NPAS1: variants seen among roughly 807,000 people sequenced by gnomAD.
The protein encoded by NPAS1 is neuronal PAS domain-containing protein 1.
A neutral mutation model predicts 49.2 loss-of-function variants in NPAS1; 29 were observed. That is an observed-to-expected ratio of 0.59 (90% CI 0.44 to 0.80). The LOEUF is 0.80. Ranked by LOEUF, NPAS1 falls within the 30% of genes least tolerant of loss-of-function variation. The pLI is 0.00. For synonymous variants in NPAS1, 408 were observed against 380.4 expected, an observed-to-expected ratio of 1.07 and a Z score of -0.84; for missense variants, 825 against 835.5, an observed-to-expected ratio of 0.99 and a Z score of 0.15.
intron 3 of NPAS1, among the ~76,000 whole-genome samples, chr19:47,026,234 C>T (rs1222966961): frequency 6.6e-6 from 1 of 152,180 alleles, no homozygotes; most frequent in Non-Finnish European, 1.5e-5. Context: ...CCACTGGGCC[C>T]AGCCAAGGAA....
chr19:47,040,658 G>C, intron 9 of NPAS1, 108 bp downstream of exon 9: 2 of 725,976 alleles, frequency 2.8e-6, no homozygotes, highest in Non-Finnish European at 4.8e-6. Context: ...AGTCCCTCCT[G>C]CTGCACCTAC....
Position 47,021,207 on chromosome 19 carries a change from C to G in NPAS1, c.122+38C>G, listed in dbSNP as rs754282084. Reference sequence around the variant, plus strand: ...CCGCCCCCCTGGCCGCGGGCCCCCCCCCGGGTCCAATTCACACCCGATGTT... The same window carrying G: ...CCGCCCCCCTGGCCGCGGGCCCCCCGCCGGGTCCAATTCACACCCGATGTT... On this transcript the variant is annotated intron_variant, in intron 2 of 11. Transcript: ENST00000602212. The surrounding 1 kb of genome is among the most constrained non-coding windows in gnomAD (Gnocchi z 5.7). The G allele has an allele frequency of 6.7e-7, 1 of 1,484,458 alleles. No homozygotes were observed. Among genetic ancestry groups the G allele is most frequent in the Non-Finnish European group, 9.0e-7 (1 of 1,113,316 alleles). 92.0% of individuals were successfully genotyped at this position (1,484,458 alleles called of 1,614,324 possible).
chr19:47,038,960 TGGCTCTGCAA>T, intron 6 of NPAS1, 66 bp from the exon 7 acceptor site: 1 of 1,250,018 alleles, frequency 8.0e-7, no homozygotes, highest in Admixed American at 1.7e-5. Context: ...TATGTCCGGC[TGGCTCTGCAA>T]GGGTCAGGGT....
intron 3 of NPAS1, among the ~76,000 whole-genome samples, chr19:47,029,109 C>G (rs1021905262): frequency 6.6e-6 from 1 of 151,528 alleles, no homozygotes; most frequent in Non-Finnish European, 1.5e-5. Flanking sequence ...GAGATGGAGT[C>G]TTGCTCTTGC....
In NPAS1 at chr19:47,045,340, G is replaced by T; in HGVS notation, c.1462G>T (p.Ala488Ser). ...CGACGAGGATCCCTCCAGCCACCCGGCCACACCGAGGCCCGAGTTCACCTC... is the reference window on the plus strand; with the variant it reads ...CGACGAGGATCCCTCCAGCCACCCGTCCACACCGAGGCCCGAGTTCACCTC... Reference protein sequence around the residue: ...SGDEDPSSHPATPRPEFTSVI... With the variant: ...SGDEDPSSHPSTPRPEFTSVI... The change falls in exon 12 of 12, where the codon GCC becomes TCC. Residue 488 changes from alanine to serine, a missense_variant. By Grantham distance (99) the Ala-to-Ser change is moderately conservative. Transcript: ENST00000602212. The T allele has an allele frequency of 6.2e-7, 1 of 1,613,858 alleles. No individual in the cohort carries two copies. The highest frequency in any genetic ancestry group is 8.5e-7 in the Non-Finnish European group (1 of 1,179,998).
intron 3 of NPAS1, among the ~76,000 whole-genome samples, chr19:47,030,636 C>CTTTTTT (rs55931402): frequency 1.8e-4 from 17 of 96,796 alleles, no homozygotes; most frequent in East Asian, 3.2e-4. Context: ...GGCCCTTTGC[C>CTTTTTT]TTTTTTTTTT....
intron 6 of NPAS1, 89 bp downstream of exon 6, chr19:47,036,218 A>G (rs2056954217): frequency 7.5e-7 from 1 of 1,328,686 alleles, no homozygotes; most frequent in Non-Finnish European, 1.0e-6. Context: ...CGTTTATACA[A>G]ATAGCAGTGA....
chr19:47,026,003 G>C (rs1407349872), intron 3 of NPAS1, among the ~76,000 whole-genome samples: 4 of 151,858 alleles, frequency 2.6e-5, no homozygotes, highest in African/African-American at 9.7e-5. Context: ...GCAGTGGTGC[G>C]ATCTCAGCTC....
At position 47,035,947 on chromosome 19, in the gene NPAS1, C is replaced by T; in HGVS notation, c.523-17C>T. On this transcript the variant is annotated splice_polypyrimidine_tract_variant and intron_variant, in intron 5 of 11. Transcript: ENST00000602212. ...CGCACCTCACCCGCCCCCTGCATTC[C>T]CCTCCTTCGCCGGCAGGTGGAGATG... 1 of 1,509,642 alleles carries T rather than the reference C, an allele frequency of 6.6e-7. No individual in the cohort carries two copies. Among genetic ancestry groups the T allele is most frequent in the Non-Finnish European group, 8.8e-7 (1 of 1,130,586 alleles). 93.5% of individuals were successfully genotyped at this position (1,509,642 alleles called of 1,614,324 possible).
intron 6 of NPAS1, among the ~76,000 whole-genome samples, chr19:47,038,069 C>T (rs1271118386): frequency 2.0e-5 from 3 of 152,152 alleles, no homozygotes; most frequent in Non-Finnish European, 4.4e-5. Context: ...GGATGGCTGA[C>T]CCAGCCTGAG....
chr19:47,022,978 C>G (rs1354903877), intron 3 of NPAS1, among the ~76,000 whole-genome samples: 1 of 152,206 alleles, frequency 6.6e-6, no homozygotes, highest in African/African-American at 2.4e-5. Context: ...CCAGGCTACC[C>G]CTGTCCCCAC....
chr19:47,034,507 T>G (rs1451861785), intron 5 of NPAS1, among the ~76,000 whole-genome samples: 1 of 152,064 alleles, frequency 6.6e-6, no homozygotes, highest in Non-Finnish European at 1.5e-5. Context: ...TGAGTACCTT[T>G]TCAGTGAGAT....
At chr19:47,023,364 G>A (rs1436769840) in intron 3 of NPAS1, among the ~76,000 whole-genome samples, 3 of 152,298 alleles carry the variant, frequency 2.0e-5, no homozygotes, top group East Asian at 3.9e-4. Flanking sequence ...GGCTGGCTGA[G>A]GTCACAGCAC....
chr19:47,027,466 G>T (rs150643629), intron 3 of NPAS1, among the ~76,000 whole-genome samples: 40,702 of 73,970 alleles, frequency 0.55, 13,486 homozygotes, highest in Non-Finnish European at 0.64. Flanking sequence ...CTGGTCTCCC[G>T]TCTCTCTGCC....
At chr19:47,040,804 T>G in intron 9 of NPAS1, 174 bp from the exon 10 acceptor site, 2 of 645,164 alleles carry the variant, frequency 3.1e-6, no homozygotes, top group South Asian at 4.1e-5. Flanking sequence ...CTGGGCTACC[T>G]CTCAGTCTCT....
chr19:47,032,120 G>T (rs1340723331), intron 3 of NPAS1, among the ~76,000 whole-genome samples, 158 bp from the exon 4 acceptor site: 1 of 152,104 alleles, frequency 6.6e-6, no homozygotes, highest in African/African-American at 2.4e-5. Context: ...CCACCTGTGT[G>T]TCCCACGCCC....
At chr19:47,044,470 G>C (rs754230746) in intron 11 of NPAS1, among the ~76,000 whole-genome samples, 15 of 152,340 alleles carry the variant, frequency 9.8e-5, no homozygotes, top group Admixed American at 2.0e-4. Flanking sequence ...TGGCTGCTTC[G>C]TGGGACAGTG....
At chr19:47,023,005 G>T (rs554899039) in intron 3 of NPAS1, among the ~76,000 whole-genome samples, 2 of 152,346 alleles carry the variant, frequency 1.3e-5, no homozygotes, top group Non-Finnish European at 2.9e-5. Context: ...AGGAGAAGAG[G>T]GTGTCCTTAG....
chr19:47,039,358 C>T lies in NPAS1; in HGVS notation c.805-49C>T, dbSNP rs200231631. 217 of 1,604,286 alleles carry T rather than the reference C, an allele frequency of 1.4e-4. No homozygotes were observed. In the East Asian group the frequency reaches 3.1e-3, roughly 23 times the overall value. The stretch of plus-strand genomic sequence containing the variant: ...CCCAGCCCAGTGATGGTCCTCTTGC[C>T]CCCACTGGCCCGCCTTGTCCCTCCT... On this transcript the variant is annotated intron_variant, in intron 7 of 11. Transcript: ENST00000602212.
Sources: allele counts gnomAD v4.1 joint callset (sites outside exome capture counted in the v4.1 genomes callset), GRCh38; gene constraint gnomAD v4.1.1; non-coding constraint Gnocchi (gnomAD v3.1); transcripts MANE v1.5; gene names NCBI Gene and HGNC (gene_info 2026-07-23, HGNC 2026-07-21).